Variants in NUDT3 observed in about 807,000 individuals in gnomAD.
NUDT3 encodes diphosphoinositol polyphosphate phosphohydrolase 1.
A neutral mutation model predicts 23.6 loss-of-function variants in NUDT3; 9 were observed. The ratio of observed to expected loss-of-function variants is 0.38; its 90% confidence interval spans 0.23 to 0.66. The LOEUF (loss-of-function observed/expected upper bound fraction) is 0.66. NUDT3 is among the 30% of genes least tolerant of loss of function. The pLI is 0.52. For missense variants in NUDT3, 172 were observed against 218.5 expected (o/e 0.79, Z 1.34); for synonymous variants, 86 against 82.6 (o/e 1.04, Z -0.22).
At chr6:34,301,104 T>C (rs1763590889) in intron 2 of NUDT3, among the ~76,000 whole-genome samples, 3 of 137,348 alleles carry the variant, frequency 2.2e-5, no homozygotes, top group South Asian at 4.6e-4. Context: ...TGAACAGTTA[T>C]CTATTTTAGG....
At chr6:34,351,329 C>T (rs1764472760) in intron 1 of NUDT3, among the ~76,000 whole-genome samples, 1 of 146,816 alleles carries the variant, frequency 6.8e-6, no homozygotes, top group Non-Finnish European at 1.5e-5. Context: ...TTAGCCAGAC[C>T]TAGTGGCTGG....
chr6:34,309,442 T>G (rs768524978), intron 2 of NUDT3, among the ~76,000 whole-genome samples: 11 of 151,830 alleles, frequency 7.2e-5, no homozygotes, highest in Non-Finnish European at 1.5e-4. Context: ...AAAAGAAAGA[T>G]CTAAAATTAA....
At chr6:34,370,484 C>T (rs1157446373) in intron 1 of NUDT3, among the ~76,000 whole-genome samples, 1 of 152,172 alleles carries the variant, frequency 6.6e-6, no homozygotes, top group Non-Finnish European at 1.5e-5. Flanking sequence ...CTGGGTCAGA[C>T]AGCCACTCCT....
At position 34,343,379 on chromosome 6, in the gene NUDT3, G is replaced by A. The variant is rs1179479286; in HGVS notation, c.100-1407C>T. 5.1e-5 allele frequency among the ~76,000 whole-genome samples: 7 copies of A among 138,528 alleles called. No individual in the cohort carries two copies. In the South Asian group the frequency reaches 1.2e-3, roughly 23 times the overall value. The allele number at this position is 138,528 out of a possible 152,430, so 90.9% of individuals were successfully genotyped here. ...AGCCTGGGCAACATGATGAGACCTC[G>A]TCTCTACAAAAAAAAAAAAAAAAAA... is the stretch of plus-strand genomic sequence containing the variant. On this transcript the variant is annotated intron_variant, in intron 1 of 4. Transcript: ENST00000607016.
intron 2 of NUDT3, among the ~76,000 whole-genome samples, chr6:34,302,557 ACCAGT>A (rs1425237636): frequency 6.6e-6 from 1 of 151,918 alleles, no homozygotes; most frequent in Admixed American, 6.6e-5. Context: ...ATATGGTGAA[ACCAGT>A]CTCTACTAAA....
In NUDT3 at chr6:34,293,520, G is replaced by T; in HGVS notation, c.271C>A (p.His91Asn). Residue 91 changes from histidine (H) to asparagine (N), a missense_variant, in exon 4 of 5, where the codon CAC (histidine) becomes AAC (asparagine). Transcript: ENST00000607016. Reference protein sequence around the residue: ...VGIFENQERKHRTYVYVLIVT... With the variant: ...VGIFENQERKNRTYVYVLIVT... Reference sequence around the variant, plus strand: ...ATGAGCACATAGACATACGTCCTGTGCTTCCTCTCCTGGTTCTGAAGGGCA... The same window carrying T: ...ATGAGCACATAGACATACGTCCTGTTCTTCCTCTCCTGGTTCTGAAGGGCA... 1 of 1,614,162 alleles carries T rather than the reference G, an allele frequency of 6.2e-7. No homozygotes were observed. The highest frequency in any genetic ancestry group is 8.5e-7 in the Non-Finnish European group (1 of 1,179,998).
chr6:34,351,756 A>AAG (rs1472863066), intron 1 of NUDT3, among the ~76,000 whole-genome samples: 3 of 139,280 alleles, frequency 2.2e-5, no homozygotes, highest in Non-Finnish European at 4.7e-5. Context: ...AAAAAAAAAA[A>AAG]AAAAAAGAAA....
intron 4 of NUDT3, among the ~76,000 whole-genome samples, chr6:34,289,134 C>T (rs1013533933): frequency 1.3e-5 from 2 of 152,118 alleles, no homozygotes; most frequent in Admixed American, 6.5e-5. Context: ...AACCAAAGAG[C>T]TAAGAGTAAT....
At chr6:34,341,458 T>C (rs1764287045) in intron 2 of NUDT3, among the ~76,000 whole-genome samples, 1 of 152,212 alleles carries the variant, frequency 6.6e-6, no homozygotes, top group African/African-American at 2.4e-5. Context: ...CACAGTTCCA[T>C]GGCTAGGATG....
rs559790301 is a variant in NUDT3 at position 34,329,307 on chromosome 6, T to C, written c.210+12555A>G. Among the ~76,000 whole-genome samples, 287 of 152,228 alleles carry C rather than the reference T, an allele frequency of 1.9e-3. 1 individual carries two copies. The highest frequency in any genetic ancestry group is 3.5e-3 in the South Asian group (17 of 4,824). Reference sequence around the variant, plus strand: ...ACAACCATTTTTTTTTGAGATGAAGTCTCGCTCTTATCCCCCAGGCTGGGG... The same window carrying C: ...ACAACCATTTTTTTTTGAGATGAAGCCTCGCTCTTATCCCCCAGGCTGGGG... On this transcript the variant is annotated intron_variant, in intron 2 of 4. Transcript: ENST00000607016.
chr6:34,289,792 T>C (rs1763391397), intron 4 of NUDT3, among the ~76,000 whole-genome samples: 1 of 152,216 alleles, frequency 6.6e-6, no homozygotes, highest in South Asian at 2.1e-4. Context: ...ATATTTTTTA[T>C]CTTATAAAAG....
intron 1 of NUDT3, among the ~76,000 whole-genome samples, chr6:34,388,219 CACA>C (rs1410713970): frequency 6.6e-6 from 1 of 152,124 alleles, no homozygotes; most frequent in Non-Finnish European, 1.5e-5. Flanking sequence ...ATGATGTTTA[CACA>C]ACAACAAAAT....
chr6:34,375,976 T>C (rs1327995018), intron 1 of NUDT3, among the ~76,000 whole-genome samples: 2 of 152,180 alleles, frequency 1.3e-5, no homozygotes, highest in African/African-American at 4.8e-5. Flanking sequence ...AGTTTTGCTT[T>C]CTGTGTACTT....
intron 2 of NUDT3, among the ~76,000 whole-genome samples, chr6:34,322,454 C>T (rs963918213): frequency 1.4e-4 from 22 of 152,108 alleles, no homozygotes; most frequent in African/African-American, 4.6e-4. Context: ...TGGTCTTGAT[C>T]TCCTGACCTT....
chr6:34,304,251 CA>C (rs60576919), intron 2 of NUDT3, among the ~76,000 whole-genome samples: 10,689 of 81,192 alleles, frequency 0.13, 729 homozygotes, highest in African/African-American at 0.3. Context: ...AACTCTGTCT[CA>C]AAAAAAAAAA....
chr6:34,385,338 A>G (rs1242867761), intron 1 of NUDT3, among the ~76,000 whole-genome samples: 1 of 152,276 alleles, frequency 6.6e-6, no homozygotes, highest in Admixed American at 6.5e-5. Flanking sequence ...CTATAATCCC[A>G]GCACTTTGGG....
chr6:34,392,255 C>T lies in NUDT3; in HGVS notation c.99+9G>A. ...CGGCGACCCCGGCCCGCCCAGCCTG[C>T]CGCCTCACCTCCTCCTCGCTCTCGC... On this transcript the variant is annotated intron_variant, in intron 1 of 4. Coordinates refer to ENST00000607016, the MANE Select transcript of NUDT3 (RefSeq NM_006703.4). The T allele has an allele frequency of 1.3e-6, 2 of 1,582,670 alleles. No homozygotes were observed. The highest frequency in any genetic ancestry group is 1.7e-4 in the Middle Eastern group (1 of 5,724).
At chr6:34,320,989 C>T (rs1369191532) in intron 2 of NUDT3, among the ~76,000 whole-genome samples, 3 of 152,110 alleles carry the variant, frequency 2.0e-5, no homozygotes, top group Non-Finnish European at 4.4e-5. Flanking sequence ...CCCAAAGAGG[C>T]GTCTCTAGGT....
At chr6:34,338,085 C>G (rs987962629) in intron 2 of NUDT3, among the ~76,000 whole-genome samples, 3 of 152,230 alleles carry the variant, frequency 2.0e-5, no homozygotes, top group Non-Finnish European at 4.4e-5. Flanking sequence ...CCTAGGGATG[C>G]AAAGTACACA....
Sources: gnomAD v4.1 joint callset for allele counts (sites outside exome capture counted in the v4.1 genomes callset) on GRCh38, gnomAD v4.1.1 for gene constraint, MANE v1.5 for transcripts, NCBI Gene and HGNC (gene_info 2026-07-23, HGNC 2026-07-21) for gene names.